DPP10: variants seen among roughly 807,000 people sequenced by gnomAD.
DPP10 encodes the protein inactive dipeptidyl peptidase 10.
Under a neutral mutation model 120.9 loss-of-function variants are expected in DPP10, and 33 were observed. That is an observed-to-expected ratio of 0.27 (90% CI 0.21 to 0.37). The LOEUF (loss-of-function observed/expected upper bound fraction) is 0.37, where lower values mean the gene tolerates loss of function less well. DPP10 is among the 10% of genes least tolerant of loss of function. DPP10 has a pLI of 1.00. For missense variants in DPP10, 816 were observed against 942.8 expected, an observed-to-expected ratio of 0.87 and a Z score of 1.76; for synonymous variants, 337 against 326.1, an observed-to-expected ratio of 1.03 and a Z score of -0.36.
chr2:115,209,802 A>G (rs778325033), intron 1 of DPP10, among the ~76,000 whole-genome samples: 2 of 152,160 alleles, frequency 1.3e-5, no homozygotes, highest in Admixed American at 6.6e-5. Flanking sequence ...TGGCAGAGAC[A>G]AGGAAGAATT....
chr2:115,599,510 A>G (rs1387302274), intron 5 of DPP10, among the ~76,000 whole-genome samples: 1 of 152,058 alleles, frequency 6.6e-6, no homozygotes, highest in Non-Finnish European at 1.5e-5. Flanking sequence ...CAGTTCTAAC[A>G]TTTCACTTTC....
chr2:115,352,957 A>G (rs1323549306), intron 3 of DPP10, among the ~76,000 whole-genome samples: 1 of 152,018 alleles, frequency 6.6e-6, no homozygotes, highest in African/African-American at 2.4e-5. Flanking sequence ...TACAGTCTTC[A>G]CTTACATATG....
At chr2:114,744,824 C>A (rs1052186989) in intron 1 of DPP10, among the ~76,000 whole-genome samples, 1 of 152,064 alleles carries the variant, frequency 6.6e-6, no homozygotes, top group African/African-American at 2.4e-5. Context: ...TGTAGTGGCA[C>A]AATCTCGGCC....
At chr2:115,296,905 G>T (rs1377076951) in intron 1 of DPP10, among the ~76,000 whole-genome samples, 10 of 151,990 alleles carry the variant, frequency 6.6e-5, no homozygotes. Context: ...TGTTCTTTAA[G>T]AGTTTACAGA....
chr2:114,623,328 A>G lies in DPP10; in HGVS notation c.60+180490A>G, dbSNP rs147191959. Among the ~76,000 whole-genome samples, 9 of 152,272 alleles carry G rather than the reference A, an allele frequency of 5.9e-5. No individual in the cohort carries two copies. The East Asian group carries it at 7.7e-4, about 13-fold the overall frequency. On this transcript the variant is annotated intron_variant, in intron 1 of 25. Transcript: ENST00000410059. ...TGAAATACACTTATAGAAACGGTCA[A>G]TGTTTTATGCATATTAAAACATTCT...
chr2:115,000,490 AC>A (rs2104996764), intron 1 of DPP10, among the ~76,000 whole-genome samples: 1 of 152,224 alleles, frequency 6.6e-6, no homozygotes, highest in Non-Finnish European at 1.5e-5. Flanking sequence ...ATTTTTCTGT[AC>A]CTGTATTTAG....
intron 1 of DPP10, among the ~76,000 whole-genome samples, chr2:114,515,731 C>T (rs1573541023): frequency 6.6e-6 from 1 of 151,884 alleles, no homozygotes; most frequent in Non-Finnish European, 1.5e-5. Flanking sequence ...CTCCCTTTTC[C>T]TTCTTCTTTT....
intron 9 of DPP10, among the ~76,000 whole-genome samples, chr2:115,745,114 A>C (rs55712139): frequency 0.21 from 32,106 of 150,010 alleles, 4,693 homozygotes; most frequent in Middle Eastern, 0.41. Flanking sequence ...CCTTACTCAC[A>C]GTGTATTTGG....
intron 2 of DPP10, among the ~76,000 whole-genome samples, chr2:115,312,293 T>A (rs2061611857): frequency 6.6e-6 from 1 of 152,102 alleles, no homozygotes; most frequent in Non-Finnish European, 1.5e-5. Context: ...TGTAAATTGA[T>A]CAAGTGGGCA....
intron 5 of DPP10, among the ~76,000 whole-genome samples, chr2:115,610,777 C>T (rs2084043745): frequency 6.6e-6 from 1 of 152,100 alleles, no homozygotes; most frequent in Non-Finnish European, 1.5e-5. Flanking sequence ...CTCTCCAGTA[C>T]CACTACCTTG....
Position 115,467,580 on chromosome 2 carries a change from GA to G in DPP10, c.272-31920del, listed in dbSNP as rs924505787. Among the ~76,000 whole-genome samples the G allele has an allele frequency of 7.0e-5, 10 of 143,142 alleles. No homozygotes were observed. In the East Asian group the frequency reaches 1.0e-3, roughly 15 times the overall value. 93.9% of individuals were successfully genotyped at this position (143,142 alleles called of 152,430 possible). A position where few individuals can be genotyped will look rare whatever the true frequency, so the allele number is the denominator to read the frequency against. Reference sequence around the variant, plus strand: ...TGCCAAAACGAGACTCTGACTCAAAGAAAAAAAAAAGAGACACTGAAAAAAA... The same window carrying G: ...TGCCAAAACGAGACTCTGACTCAAAGAAAAAAAAAGAGACACTGAAAAAAA... On this transcript the variant is annotated intron_variant, in intron 3 of 25. Transcript: ENST00000410059.
chr2:114,855,784 G>A (rs1689321615), intron 1 of DPP10, among the ~76,000 whole-genome samples: 1 of 152,138 alleles, frequency 6.6e-6, no homozygotes, highest in Non-Finnish European at 1.5e-5. Context: ...GGCTTTGCGG[G>A]GGAGGTCATT....
chr2:115,722,485 A>G (rs2092672282), intron 7 of DPP10, among the ~76,000 whole-genome samples: 1 of 152,010 alleles, frequency 6.6e-6, no homozygotes, highest in African/African-American at 2.4e-5. Context: ...TTGTGCAAAC[A>G]TCATAGGGTA....
chr2:115,361,576 T>G (rs1436082712), intron 3 of DPP10, among the ~76,000 whole-genome samples: 1 of 152,140 alleles, frequency 6.6e-6, no homozygotes, highest in Non-Finnish European at 1.5e-5. Flanking sequence ...GAGCTCTGCC[T>G]CTGCTTACTC....
Position 114,793,795 on chromosome 2 carries a change from C to T in DPP10, c.60+350957C>T, listed in dbSNP as rs546161556. Among the ~76,000 whole-genome samples, 14 of 152,232 alleles carry T rather than the reference C, an allele frequency of 9.2e-5. No individual in the cohort carries two copies. The South Asian group carries it at 2.9e-3, about 32-fold the overall frequency. On this transcript the variant is annotated intron_variant, in intron 1 of 25. Transcript: ENST00000410059. The stretch of plus-strand genomic sequence containing the variant: ...ATCCATTTCTTATACCATGTTGACC[C>T]CCTCATTCTCCCTCCCCTTGGTGCC...
intron 1 of DPP10, among the ~76,000 whole-genome samples, chr2:114,902,079 T>C (rs1426200130): frequency 6.6e-6 from 1 of 152,186 alleles, no homozygotes; most frequent in African/African-American, 2.4e-5. Flanking sequence ...CCAGGAAAGT[T>C]TCACTGGCAA....
rs1039245946 is a variant in DPP10 at position 114,840,966 on chromosome 2, C to T, written c.60+398128C>T. Among the ~76,000 whole-genome samples, 3 of 152,200 alleles carry T rather than the reference C, an allele frequency of 2.0e-5. No homozygotes were observed. In the East Asian group the frequency reaches 5.8e-4, roughly 29 times the overall value. On this transcript the variant is annotated intron_variant, in intron 1 of 25. Transcript: ENST00000410059. ...AAATCACATTAAACTGGCAAGCTTCCCTACCAGACTGGACCCTGCAGGGAG... is the reference window on the plus strand; with the variant it reads ...AAATCACATTAAACTGGCAAGCTTCTCTACCAGACTGGACCCTGCAGGGAG...
chr2:115,492,747 G>A (rs1045858259), intron 3 of DPP10, among the ~76,000 whole-genome samples: 2 of 152,016 alleles, frequency 1.3e-5, no homozygotes, highest in Non-Finnish European at 2.9e-5. Flanking sequence ...CAAGAAATAG[G>A]TTCCTTCTTG....
At chr2:114,774,835 CTT>C (rs1361412995) in intron 1 of DPP10, among the ~76,000 whole-genome samples, 1 of 151,782 alleles carries the variant, frequency 6.6e-6, no homozygotes, top group Non-Finnish European at 1.5e-5. Flanking sequence ...TCAGTTACGT[CTT>C]TGACCTAATA....
Sources: allele counts gnomAD v4.1 joint callset (sites outside exome capture counted in the v4.1 genomes callset), GRCh38; gene constraint gnomAD v4.1.1; transcripts MANE v1.5; gene names NCBI Gene and HGNC (gene_info 2026-07-23, HGNC 2026-07-21).